The following EEF1AKMT2 variants were observed in gnomAD, a reference collection of about 807,000 sequenced individuals.
The protein encoded by EEF1AKMT2 is eukaryotic translation elongation factor 1 alpha lysine methyltransferase 2.
A neutral mutation model predicts 35.8 loss-of-function variants in EEF1AKMT2; 32 were observed. The ratio of observed to expected loss-of-function variants is 0.89; its 90% CI spans 0.67 to 1.20. The LOEUF (loss-of-function observed/expected upper bound fraction) is 1.20. EEF1AKMT2 is among the 50% of genes most tolerant of loss of function. The probability of loss-of-function intolerance (pLI) is 0.00; values close to 1 mark genes in which losing one functional copy is unlikely to be tolerated. For missense variants in EEF1AKMT2, 330 were observed against 347.5 expected (o/e 0.95, Z 0.40); for synonymous variants, 121 against 133.7 (o/e 0.91, Z 0.65).
At position 124,768,762 on chromosome 10, in the gene EEF1AKMT2, A is replaced by T. The variant is rs1209204110; in HGVS notation, c.400-3154T>A. On this transcript the variant is annotated intron_variant, in intron 4 of 6. Transcript: ENST00000368836. Reference sequence around the variant, plus strand: ...AAGCCTCCGTCTCAAAAAATAACAAAGAAAAAATCACTCTGGCTGCCCTGT... The same window carrying T: ...AAGCCTCCGTCTCAAAAAATAACAATGAAAAAATCACTCTGGCTGCCCTGT... Among the ~76,000 whole-genome samples, 10 of 151,936 alleles carry T rather than the reference A, an allele frequency of 6.6e-5. No individual in the cohort carries two copies. In the East Asian group the frequency reaches 1.9e-3, roughly 30 times the overall value.
intron 3 of EEF1AKMT2, among the ~76,000 whole-genome samples, chr10:124,776,103 A>G (rs1018011170): frequency 1.3e-5 from 2 of 152,034 alleles, no homozygotes; most frequent in Non-Finnish European, 2.9e-5. Context: ...TTGTATTTTT[A>G]GTAGAGATGG....
intron 4 of EEF1AKMT2, among the ~76,000 whole-genome samples, chr10:124,773,666 C>T (rs1401415018): frequency 6.6e-6 from 1 of 152,162 alleles, no homozygotes; most frequent in Non-Finnish European, 1.5e-5. Flanking sequence ...ATCAATTAAG[C>T]TCACCATCTT....
At position 124,762,429 on chromosome 10, in the gene EEF1AKMT2, A is replaced by G; in HGVS notation, c.746T>C (p.Val249Ala). ...GCAAAACCTCGTCTCTGCTAAAAATACAAAAATTATCCAGGCATGATGATG... is the reference window on the plus strand; with the variant it reads ...GCAAAACCTCGTCTCTGCTAAAAATGCAAAAATTATCCAGGCATGATGATG... ...GTHHHAWIIF[V>A]FLAETRFCHV... The change falls in exon 6 of 7, where the codon GTA (valine) becomes GCA (alanine). Residue 249 changes from valine to alanine, a missense_variant. By Grantham distance (64) the Val-to-Ala change is moderately conservative (BLOSUM62 0). Coordinates refer to ENST00000368836, the MANE Select transcript of EEF1AKMT2 (RefSeq NM_212554.4). 7.7e-7 allele frequency: 1 copy of G among 1,301,070 alleles called. No individual in the cohort carries two copies. Among genetic ancestry groups the G allele is most frequent in the Non-Finnish European group, 1.0e-6 (1 of 985,894 alleles). 80.6% of individuals were successfully genotyped at this position (1,301,070 alleles called of 1,614,324 possible).
chr10:124,791,666 T>C, intron 1 of EEF1AKMT2, 58 bp downstream of exon 1: 1 of 1,539,420 alleles, frequency 6.5e-7, no homozygotes, highest in Non-Finnish European at 8.7e-7. Flanking sequence ...GCCGTCCCCT[T>C]CTCGGGGCCC....
intron 4 of EEF1AKMT2, among the ~76,000 whole-genome samples, chr10:124,768,756 T>C (rs889191932): frequency 6.7e-6 from 1 of 149,648 alleles, no homozygotes; most frequent in Non-Finnish European, 1.5e-5. Context: ...TCTCAAAAAA[T>C]AACAAAGAAA....
intron 3 of EEF1AKMT2, among the ~76,000 whole-genome samples, chr10:124,784,647 T>C (rs1024052277): frequency 6.7e-6 from 1 of 149,908 alleles, no homozygotes; most frequent in African/African-American, 2.5e-5. Flanking sequence ...AACATAAAAA[T>C]AGGCAGGGCA....
chr10:124,786,663 A>C (rs117521073), intron 3 of EEF1AKMT2, among the ~76,000 whole-genome samples: 2,202 of 151,556 alleles, frequency 0.015, 49 homozygotes, highest in Non-Finnish European at 0.024. Context: ...AAATACAAAA[A>C]TTAACCAGGC....
chr10:124,764,741 T>C, intron 5 of EEF1AKMT2, among the ~76,000 whole-genome samples: 1 of 152,220 alleles, frequency 6.6e-6, no homozygotes. Flanking sequence ...ACTCTCAGCA[T>C]GTAAGACGGA....
downstream of EEF1AKMT2, among the ~76,000 whole-genome samples, chr10:124,756,300 T>G (rs759561550): frequency 6.6e-6 from 1 of 152,234 alleles, no homozygotes; most frequent in Admixed American, 6.5e-5. Context: ...GGCAAGTAAT[T>G]TGCAAATACT....
chr10:124,788,710 T>TTATATATATATATACATATATATATATA lies in EEF1AKMT2; in HGVS notation c.291+332_291+333insTATATATATATATGTATATATATATATA. Among the ~76,000 whole-genome samples the TTATATATATATATACATATATATATATA allele has an allele frequency of 2.2e-5, 2 of 92,580 alleles. 1 individual carries two copies. The highest frequency in any genetic ancestry group is 6.7e-5 in the African/African-American group (2 of 29,730). The allele number at this position is 92,580 out of a possible 152,430, so 60.7% of individuals were successfully genotyped here. On this transcript the variant is annotated intron_variant, in intron 3 of 6. Transcript: ENST00000368836. ...CTACTGGAATTGCAAAAGGTCATCT[T>TTATATATATATATACATATATATATATA]TATATATATATATATATATGCATTT...
chr10:124,788,733 T>TATATATATATATA (rs1345930489), intron 3 of EEF1AKMT2, among the ~76,000 whole-genome samples: 11 of 143,300 alleles, frequency 7.7e-5, no homozygotes, highest in South Asian at 4.6e-4. Context: ...TATATATGCA[T>TATATATATATATA]TTCTAGAGTT....
intron 3 of EEF1AKMT2, among the ~76,000 whole-genome samples, chr10:124,776,537 T>C (rs961052409): frequency 3.3e-5 from 5 of 152,088 alleles, no homozygotes; most frequent in Admixed American, 3.3e-4. Flanking sequence ...CCTATAATCC[T>C]AGCACTCTGG....
At chr10:124,789,286 C>G in intron 2 of EEF1AKMT2, 129 bp from the exon 3 acceptor site, 1 of 589,722 alleles carries the variant, frequency 1.7e-6, no homozygotes, top group Non-Finnish European at 2.9e-6. Flanking sequence ...ACTGCTTCAG[C>G]TTTGTCTCTA....
Position 124,789,035 on chromosome 10 carries a change from G to A in EEF1AKMT2, c.291+8C>T. 1.9e-6 allele frequency: 3 copies of A among 1,599,068 alleles called. No homozygotes were observed. The highest frequency in any genetic ancestry group is 2.6e-6 in the Non-Finnish European group (3 of 1,170,296). The stretch of plus-strand genomic sequence containing the variant: ...TGTCTTTAACAAACAAATACTAAAA[G>A]TACCAACAAGTTCAACCAGGAAAAC... On this transcript the variant is annotated splice_region_variant and intron_variant, in intron 3 of 6. Transcript: ENST00000368836.
chr10:124,791,670 G>C lies in EEF1AKMT2; in HGVS notation c.110+54C>G, dbSNP rs2134149020. On this transcript the variant is annotated intron_variant, in intron 1 of 6. Coordinates refer to ENST00000368836, the MANE Select transcript of EEF1AKMT2 (RefSeq NM_212554.4). ...GTCTCCACCCCGCCGTCCCCTTCTC[G>C]GGGCCCAGGCAGGGCGGCACGGCTC... 4 of 1,540,676 alleles carry C rather than the reference G, an allele frequency of 2.6e-6. No individual in the cohort carries two copies. The South Asian group carries it at 3.6e-5, about 14-fold the overall frequency.
At chr10:124,777,279 C>CA (rs768724237) in intron 3 of EEF1AKMT2, among the ~76,000 whole-genome samples, 1,455 of 62,450 alleles carry the variant, frequency 0.023, 14 homozygotes, top group Non-Finnish European at 0.031. Context: ...AACTCTGACT[C>CA]AAAAAAAAAA....
In EEF1AKMT2 at chr10:124,771,567, G is replaced by C. The variant is rs143974023; in HGVS notation, c.399+3108C>G. 6.6e-4 allele frequency among the ~76,000 whole-genome samples: 100 copies of C among 152,112 alleles called. 1 individual carries two copies. The East Asian group carries it at 0.014, about 21-fold the overall frequency. On this transcript the variant is annotated intron_variant, in intron 4 of 6. Coordinates refer to ENST00000368836, the MANE Select transcript of EEF1AKMT2 (RefSeq NM_212554.4). The stretch of plus-strand genomic sequence containing the variant: ...CTACAGAACAGATCCTGTGTTAACA[G>C]GCATAAAAACAAGATTAATCGGCTG...
At chr10:124,769,084 G>A (rs1485854003) in intron 4 of EEF1AKMT2, among the ~76,000 whole-genome samples, 1 of 150,260 alleles carries the variant, frequency 6.7e-6, no homozygotes, top group Non-Finnish European at 1.5e-5. Flanking sequence ...TAGGTGTGGT[G>A]AAGCAGGCCT....
intron 5 of EEF1AKMT2, among the ~76,000 whole-genome samples, 173 bp from the exon 6 acceptor site, chr10:124,762,731 A>T (rs916455744): frequency 3.9e-5 from 6 of 152,234 alleles, no homozygotes; most frequent in African/African-American, 1.4e-4. Context: ...TCGTAAGAAA[A>T]CTTTTCCAAA....
Sources: allele counts gnomAD v4.1 joint callset (sites outside exome capture counted in the v4.1 genomes callset), GRCh38; gene constraint gnomAD v4.1.1; transcripts MANE v1.5; gene names NCBI Gene and HGNC (gene_info 2026-07-23, HGNC 2026-07-21).